EPS15: variants seen among roughly 807,000 people sequenced by gnomAD.
The protein encoded by EPS15 is epidermal growth factor receptor substrate 15.
In EPS15, 72 loss-of-function variants were observed where a neutral mutation model predicts 113.8. The ratio of observed to expected loss-of-function variants is 0.63; its 90% CI spans 0.52 to 0.77. EPS15 has a LOEUF of 0.77. EPS15 is among the 30% of genes least tolerant of loss of function. The probability of loss-of-function intolerance (pLI) is 0.00; values close to 1 mark genes in which losing one functional copy is unlikely to be tolerated. For synonymous variants in EPS15, 344 were observed against 363.4 expected (o/e 0.95, Z 0.61); for missense variants, 1,048 against 1,045.8 (o/e 1.00, Z -0.03).
intron 1 of EPS15, among the ~76,000 whole-genome samples, chr1:51,495,448 G>C (rs1387496194): frequency 6.6e-6 from 1 of 151,090 alleles, no homozygotes; most frequent in East Asian, 1.9e-4. Context: ...AAATATAAAA[G>C]AATAACCAAA....
intron 12 of EPS15, among the ~76,000 whole-genome samples, chr1:51,440,047 T>C (rs1281379198): frequency 6.6e-6 from 1 of 152,098 alleles, no homozygotes; most frequent in Non-Finnish European, 1.5e-5. Context: ...AATCAAACAG[T>C]ACCTTATAGT....
chr1:51,451,902 C>CTTTTTTTTT lies in EPS15; in HGVS notation c.562-3776_562-3768dup, dbSNP rs945312930. 7.4e-3 allele frequency among the ~76,000 whole-genome samples: 1,110 copies of CTTTTTTTTT among 150,764 alleles called. 10 individuals are homozygous for CTTTTTTTTT. Among genetic ancestry groups the CTTTTTTTTT allele is most frequent in the African/African-American group, 0.026 (1,064 of 41,020 alleles). On this transcript the variant is annotated intron_variant, in intron 8 of 24. Coordinates refer to ENST00000371733, the MANE Select transcript of EPS15 (RefSeq NM_001981.3). ...TTGCATGTTTCTTAAATTTTTATTT[C>CTTTTTTTTT]TTTTTTTTTGGTTGGTTTGTTTTTT... is the stretch of plus-strand genomic sequence containing the variant.
chr1:51,443,506 C>T (rs187194982), intron 11 of EPS15, among the ~76,000 whole-genome samples: 1 of 149,698 alleles, frequency 6.7e-6, no homozygotes, highest in African/African-American at 2.4e-5. Context: ...ACAAAAAGGC[C>T]CCCCCCATAA....
intron 1 of EPS15, among the ~76,000 whole-genome samples, chr1:51,514,077 C>G (rs921489824): frequency 6.6e-6 from 1 of 152,078 alleles, no homozygotes; most frequent in African/African-American, 2.4e-5. Context: ...AGGCTTTCTT[C>G]TACGCATGCT....
At chr1:51,455,933 C>T (rs147998509) in intron 8 of EPS15, among the ~76,000 whole-genome samples, 199 of 150,518 alleles carry the variant, frequency 1.3e-3, no homozygotes, top group African/African-American at 4.6e-3. Context: ...CTAACTTTTA[C>T]AAATTTACTT....
intron 1 of EPS15, among the ~76,000 whole-genome samples, chr1:51,504,694 C>G (rs1335518537): frequency 6.6e-6 from 1 of 151,876 alleles, no homozygotes; most frequent in Admixed American, 6.6e-5. Context: ...AAATGAAAAT[C>G]GAAAACACAA....
intron 21 of EPS15, among the ~76,000 whole-genome samples, chr1:51,388,782 T>C (rs1222202829): frequency 1.3e-5 from 2 of 152,186 alleles, no homozygotes; most frequent in Admixed American, 1.3e-4. Context: ...AAGTTGACTC[T>C]CTGAATAGAC....
At chr1:51,445,624 ACTTT>A (rs757032910) in intron 10 of EPS15, among the ~76,000 whole-genome samples, 149 of 152,034 alleles carry the variant, frequency 9.8e-4, no homozygotes, top group Non-Finnish European at 1.7e-3. Context: ...GTTTTACTCT[ACTTT>A]CTTTTTCTGT....
intron 8 of EPS15, among the ~76,000 whole-genome samples, chr1:51,454,105 T>C (rs955275778): frequency 3.2e-5 from 4 of 125,474 alleles, no homozygotes; most frequent in African/African-American, 8.8e-5. Flanking sequence ...TACGACCCAA[T>C]AGGAGGAGGA....
At chr1:51,361,457 T>C (rs779502401) in intron 23 of EPS15, 102 bp from the exon 24 acceptor site, 1 of 827,436 alleles carries the variant, frequency 1.2e-6, no homozygotes, top group South Asian at 1.8e-5. Flanking sequence ...GGGTAGAGGA[T>C]GATTGAGTAC....
chr1:51,502,502 G>C (rs1644430151), intron 1 of EPS15, among the ~76,000 whole-genome samples: 1 of 151,958 alleles, frequency 6.6e-6, no homozygotes, highest in African/African-American at 2.4e-5. Flanking sequence ...AGGAAAATCA[G>C]ACAAGAATAA....
chr1:51,467,010 A>G (rs1241543806), intron 5 of EPS15, among the ~76,000 whole-genome samples: 1 of 152,252 alleles, frequency 6.6e-6, no homozygotes, highest in Admixed American at 6.5e-5. Context: ...AAAGCTATAA[A>G]CAGACATTCA....
At chr1:51,405,177 A>G (rs1648977632) in intron 16 of EPS15, among the ~76,000 whole-genome samples, 1 of 152,166 alleles carries the variant, frequency 6.6e-6, no homozygotes, top group Admixed American at 6.5e-5. Flanking sequence ...ACAGTGTTAC[A>G]CTACTACACT....
chr1:51,482,812 A>G (rs1470924975), intron 1 of EPS15, among the ~76,000 whole-genome samples: 1 of 151,996 alleles, frequency 6.6e-6, no homozygotes, highest in Non-Finnish European at 1.5e-5. Context: ...AACATTGACA[A>G]TGGCAGAAGA....
chr1:51,519,095 G>T, intron 1 of EPS15, 104 bp downstream of exon 1: 1 of 770,024 alleles, frequency 1.3e-6, no homozygotes, highest in Non-Finnish European at 1.9e-6. Context: ...CACAAGCCAA[G>T]AAGCTGCCTG....
At chr1:51,518,430 C>G (rs1281681048) in intron 1 of EPS15, 1 of 152,532 alleles carries the variant, frequency 6.6e-6, no homozygotes, top group Non-Finnish European at 1.5e-5. Context: ...AGGGATCCAC[C>G]TGGACAGCGA....
intron 8 of EPS15, among the ~76,000 whole-genome samples, chr1:51,454,930 T>C (rs1322603747): frequency 6.7e-6 from 1 of 150,138 alleles, no homozygotes; most frequent in African/African-American, 2.4e-5. Context: ...TTAAAGTTCA[T>C]TAGGAAAAAA....
chr1:51,405,756 T>C, intron 16 of EPS15, 149 bp downstream of exon 16: 2 of 632,924 alleles, frequency 3.2e-6, no homozygotes, highest in Middle Eastern at 5.3e-4. Flanking sequence ...CGTACAATTG[T>C]TTGGATTAGG....
intron 5 of EPS15, among the ~76,000 whole-genome samples, chr1:51,467,954 T>C (rs1437936149): frequency 6.6e-6 from 1 of 151,788 alleles, no homozygotes; most frequent in Non-Finnish European, 1.5e-5. Context: ...AGAAAATAAG[T>C]ATTTATATAT....
Sources: gnomAD v4.1 joint callset for allele counts (sites outside exome capture counted in the v4.1 genomes callset) on GRCh38, gnomAD v4.1.1 for gene constraint, MANE v1.5 for transcripts, NCBI Gene and HGNC (gene_info 2026-07-23, HGNC 2026-07-21) for gene names.